The following STX17 variants were observed in gnomAD, a reference collection of about 807,000 sequenced individuals.
The protein encoded by STX17 is syntaxin 17, also known as syntaxin-17.
A neutral mutation model predicts 35.9 loss-of-function variants in STX17; 29 were observed. The observed-to-expected ratio is 0.81, with a 90% CI of 0.60 to 1.10. STX17 has a LOEUF of 1.10. Among genes scored for constraint, STX17 ranks in the 50% least tolerant of loss-of-function variants. STX17 has a pLI of 0.00. For synonymous variants in STX17, 92 were observed against 118.3 expected (o/e 0.78, Z 1.44); for missense variants, 312 against 352.3 (o/e 0.89, Z 0.92).
intron 4 of STX17, among the ~76,000 whole-genome samples, chr9:99,959,063 T>C (rs577240159): frequency 3.9e-5 from 6 of 152,344 alleles, no homozygotes; most frequent in South Asian, 2.1e-4. Flanking sequence ...GGTATTTACA[T>C]TGAAATAGCC....
chr9:99,944,255 G>A (rs1311331870), intron 3 of STX17, among the ~76,000 whole-genome samples: 2 of 151,538 alleles, frequency 1.3e-5, no homozygotes, highest in African/African-American at 4.8e-5. Flanking sequence ...ATCTAGTTTT[G>A]GCTTGGTTAA....
intron 4 of STX17, chr9:99,954,077 C>T (rs1829660528): frequency 6.6e-6 from 1 of 151,954 alleles, no homozygotes; most frequent in Non-Finnish European, 1.5e-5. Flanking sequence ...TGGAGCAGAG[C>T]CAGAGAATGA....
Position 99,969,075 on chromosome 9 carries a change from T to C in STX17, c.*402T>C, listed in dbSNP as rs568232548. 6.4e-6 allele frequency: 1 copy of C among 155,738 alleles called. No homozygotes were observed. The highest frequency in any genetic ancestry group is 1.4e-5 in the Non-Finnish European group (1 of 70,286). The allele number at this position is 155,738 out of a possible 1,614,324, so 9.6% of individuals were successfully genotyped here. On this transcript the variant is annotated 3_prime_UTR_variant, in exon 8 of 8. Coordinates refer to ENST00000259400, the MANE Select transcript of STX17 (RefSeq NM_017919.3). ...AGTGTAGATTATTGAGGTTTGTTAGTGAGGAAAAGAATAAGAGTTCAGAAG... is the reference window on the plus strand; with the variant it reads ...AGTGTAGATTATTGAGGTTTGTTAGCGAGGAAAAGAATAAGAGTTCAGAAG...
intron 3 of STX17, among the ~76,000 whole-genome samples, chr9:99,946,076 C>G (rs1829476657): frequency 6.6e-6 from 1 of 151,994 alleles, no homozygotes; most frequent in African/African-American, 2.4e-5. Flanking sequence ...GAGCAAGACT[C>G]CATCTCAAAA....
At chr9:99,921,142 C>G (rs1421195684) in intron 2 of STX17, among the ~76,000 whole-genome samples, 1 of 152,110 alleles carries the variant, frequency 6.6e-6, no homozygotes, top group African/African-American at 2.4e-5. Flanking sequence ...CTTGAGATCC[C>G]TATGTTAGTA....
intron 7 of STX17, 150 bp from the exon 8 acceptor site, chr9:99,968,284 T>C: frequency 2.0e-6 from 2 of 978,824 alleles, no homozygotes; most frequent in Non-Finnish European, 2.8e-6. Flanking sequence ...TGGAATACTT[T>C]CTTTTCCCCC....
Position 99,953,057 on chromosome 9 carries a change from A to T in STX17, c.415+1772A>T, listed in dbSNP as rs182554719. Among the ~76,000 whole-genome samples, 96 of 151,634 alleles carry T rather than the reference A, an allele frequency of 6.3e-4. No individual in the cohort carries two copies. In the Middle Eastern group the frequency reaches 0.014, roughly 21 times the overall value. On this transcript the variant is annotated intron_variant, in intron 4 of 7. Transcript: ENST00000259400. Reference sequence around the variant, plus strand: ...ATAAAATAAAAATAAGAATAAAAATAAAAAAAAAGAAATGTTACATCTGCC... The same window carrying T: ...ATAAAATAAAAATAAGAATAAAAATTAAAAAAAAGAAATGTTACATCTGCC...
intron 4 of STX17, among the ~76,000 whole-genome samples, chr9:99,953,531 A>G (rs1420573900): frequency 2.6e-5 from 4 of 151,970 alleles, no homozygotes; most frequent in African/African-American, 9.7e-5. Context: ...TTGCTGCCAT[A>G]TTGGTGAGGT....
intron 1 of STX17, among the ~76,000 whole-genome samples, chr9:99,911,357 G>A (rs1445129711): frequency 2.0e-5 from 3 of 151,844 alleles, no homozygotes; most frequent in Non-Finnish European, 4.4e-5. Flanking sequence ...ATGGCTGAAC[G>A]GTATTTCATT....
chr9:99,933,360 A>G lies in STX17; in HGVS notation c.189+4517A>G, dbSNP rs117404458. Among the ~76,000 whole-genome samples the G allele has an allele frequency of 2.4e-3, 370 of 152,234 alleles. No homozygotes were observed. The Middle Eastern group carries it at 0.034, about 14-fold the overall frequency. On this transcript the variant is annotated intron_variant, in intron 3 of 7. Coordinates refer to ENST00000259400, the MANE Select transcript of STX17 (RefSeq NM_017919.3). ...ATAAAGCTTGATATCTGATTGTACA[A>G]TACTTCCACAGTATCCTTCCTTTTC...
At chr9:99,942,956 A>G (rs1352228062) in intron 3 of STX17, among the ~76,000 whole-genome samples, 1 of 152,178 alleles carries the variant, frequency 6.6e-6, no homozygotes, top group African/African-American at 2.4e-5. Flanking sequence ...TATCTAATAG[A>G]GGAAGTTCTC....
At chr9:99,928,944 A>C (rs1829050732) in intron 3 of STX17, 101 bp downstream of exon 3, 4 of 908,660 alleles carry the variant, frequency 4.4e-6, no homozygotes, top group African/African-American at 1.7e-5. Flanking sequence ...TTTTATACAC[A>C]TTTGTTACTA....
At position 99,947,455 on chromosome 9, in the gene STX17, G is replaced by T. The variant is rs571696558; in HGVS notation, c.190-3605G>T. 1.4e-4 allele frequency among the ~76,000 whole-genome samples: 22 copies of T among 152,210 alleles called. No homozygotes were observed. In the South Asian group the frequency reaches 3.1e-3, roughly 22 times the overall value. On this transcript the variant is annotated intron_variant, in intron 3 of 7. Coordinates refer to ENST00000259400, the MANE Select transcript of STX17 (RefSeq NM_017919.3). ...GTTTTTGCTGTTTCTTCCTCATGCTGCATATGTCCTCATGTGCTTGGTAAT... is the reference window on the plus strand; with the variant it reads ...GTTTTTGCTGTTTCTTCCTCATGCTTCATATGTCCTCATGTGCTTGGTAAT...
chr9:99,956,133 T>C (rs1188190840), intron 4 of STX17, among the ~76,000 whole-genome samples: 1 of 152,174 alleles, frequency 6.6e-6, no homozygotes, highest in Non-Finnish European at 1.5e-5. Flanking sequence ...ACAGACCTCT[T>C]TGTTCTAAGA....
intron 6 of STX17, among the ~76,000 whole-genome samples, chr9:99,962,387 CTAA>C (rs1410870568): frequency 2.6e-5 from 4 of 152,234 alleles, no homozygotes; most frequent in Admixed American, 2.6e-4. Flanking sequence ...CTATTGTAAA[CTAA>C]TAATCTCTGA....
intron 2 of STX17, among the ~76,000 whole-genome samples, chr9:99,924,893 G>A (rs796172909): frequency 2.0e-5 from 3 of 152,250 alleles, no homozygotes; most frequent in African/African-American, 7.2e-5. Context: ...TAAGTATGGT[G>A]TTAAATGTAG....
rs1828739376 is a variant in STX17, at chr9:99,915,069, A to G, written c.-62-109A>G. Reference sequence around the variant, plus strand: ...AAACAAGTCACTCAAGGTCAGCATTAGAAATATTCTATTTATTGATTTAGA... The same window carrying G: ...AAACAAGTCACTCAAGGTCAGCATTGGAAATATTCTATTTATTGATTTAGA... On this transcript the variant is annotated intron_variant, in intron 1 of 7. Transcript: ENST00000259400. 2.0e-5 allele frequency: 13 copies of G among 645,912 alleles called. No individual in the cohort carries two copies. The South Asian group carries it at 5.1e-4, about 26-fold the overall frequency. The allele number at this position is 645,912 out of a possible 1,614,324, so 40.0% of individuals were successfully genotyped here.
chr9:99,967,343 A>ATT, intron 6 of STX17: 5 of 184,888 alleles, frequency 2.7e-5, no homozygotes, highest in East Asian at 1.2e-4. Flanking sequence ...GCTTATTTGG[A>ATT]TTTTTTTTTT....
chr9:99,948,140 T>G (rs1462753887), intron 3 of STX17, among the ~76,000 whole-genome samples: 1 of 152,098 alleles, frequency 6.6e-6, no homozygotes, highest in African/African-American at 2.4e-5. Flanking sequence ...ATTCCCTAGT[T>G]GCCCTATCCA....
Sources: gnomAD v4.1 joint callset for allele counts (sites outside exome capture counted in the v4.1 genomes callset) on GRCh38, gnomAD v4.1.1 for gene constraint, MANE v1.5 for transcripts, NCBI Gene and HGNC (gene_info 2026-07-23, HGNC 2026-07-21) for gene names.